The following PDCD6IP variants were observed in gnomAD, a reference collection of about 807,000 sequenced individuals.
PDCD6IP encodes the protein programmed cell death 6 interacting protein.
Under a neutral mutation model 103.7 loss-of-function variants are expected in PDCD6IP, and 43 were observed. The ratio of observed to expected loss-of-function variants is 0.41; its 90% CI spans 0.32 to 0.53. The LOEUF (loss-of-function observed/expected upper bound fraction) is 0.53, where lower values mean the gene tolerates loss of function less well. Ranked by LOEUF, PDCD6IP falls within the 20% of genes least tolerant of loss-of-function variation. The probability of loss-of-function intolerance (pLI) is 0.16; values close to 1 mark genes in which losing one functional copy is unlikely to be tolerated. For missense variants in PDCD6IP, 871 were observed against 1,036.7 expected, an observed-to-expected ratio of 0.84 and a Z score of 2.20; for synonymous variants, 354 against 378.7, an observed-to-expected ratio of 0.93 and a Z score of 0.76.
At chr3:33,851,267 G>A (rs1189280488) in intron 12 of PDCD6IP, among the ~76,000 whole-genome samples, 1 of 151,468 alleles carries the variant, frequency 6.6e-6, no homozygotes, top group African/African-American at 2.4e-5. Flanking sequence ...CTTTCTATGA[G>A]CATCATTGGG....
chr3:33,843,749 A>C (rs1429691205), intron 10 of PDCD6IP, among the ~76,000 whole-genome samples: 1 of 152,110 alleles, frequency 6.6e-6, no homozygotes, highest in African/African-American at 2.4e-5. Context: ...ATGAAAGTCT[A>C]AATTTTATAT....
intron 6 of PDCD6IP, 108 bp from the exon 7 acceptor site, chr3:33,828,744 TG>T (rs1451456241): frequency 8.7e-7 from 1 of 1,152,734 alleles, no homozygotes; most frequent in East Asian, 2.5e-5. Context: ...AAACCATTAA[TG>T]GGGTGATTCT....
intron 12 of PDCD6IP, among the ~76,000 whole-genome samples, chr3:33,846,957 G>C (rs918418518): frequency 6.6e-6 from 1 of 152,174 alleles, no homozygotes; most frequent in Non-Finnish European, 1.5e-5. Flanking sequence ...CTACATAGTT[G>C]AATGTGCATT....
intron 7 of PDCD6IP, chr3:33,835,379 G>A (rs1300998130): frequency 2.2e-6 from 1 of 445,316 alleles, no homozygotes; most frequent in African/African-American, 2.0e-5. Flanking sequence ...CTCCATGAGG[G>A]CCTTTAATAA....
At chr3:33,816,001 CAT>C (rs970838493) in intron 3 of PDCD6IP, among the ~76,000 whole-genome samples, 1 of 152,130 alleles carries the variant, frequency 6.6e-6, no homozygotes, top group African/African-American at 2.4e-5. Context: ...AAAAAGCTTT[CAT>C]ATCTTACAGG....
At chr3:33,805,718 CAATTTTTTTTTTTTTTTAAACTAG>C (rs1696580928) in intron 1 of PDCD6IP, among the ~76,000 whole-genome samples, 1 of 149,496 alleles carries the variant, frequency 6.7e-6, no homozygotes, top group African/African-American at 2.4e-5. Flanking sequence ...CATACCTGGC[CAATTTTTTTTTTTTTTTAAACTAG>C]AATTTCTTTT....
chr3:33,858,373 C>T (rs1697874871), intron 15 of PDCD6IP, among the ~76,000 whole-genome samples: 1 of 152,152 alleles, frequency 6.6e-6, no homozygotes, highest in Non-Finnish European at 1.5e-5. Context: ...CTAGTCCCAG[C>T]TACTTGGGAG....
chr3:33,865,451 A>G lies in PDCD6IP; in HGVS notation c.2432+21A>G. On this transcript the variant is annotated intron_variant, in intron 17 of 17. Transcript: ENST00000307296. Reference sequence around the variant, plus strand: ...CCTGGGTAAGGCTGCAACATTGTGTATCCCAAGTTGGCTAATGTTGTTTCT... The same window carrying G: ...CCTGGGTAAGGCTGCAACATTGTGTGTCCCAAGTTGGCTAATGTTGTTTCT... 6.4e-7 allele frequency: 1 copy of G among 1,560,790 alleles called. No individual in the cohort carries two copies. The highest frequency in any genetic ancestry group is 8.6e-7 in the Non-Finnish European group (1 of 1,159,288).
At chr3:33,820,315 TC>T (rs1471320548) in intron 3 of PDCD6IP, among the ~76,000 whole-genome samples, 10 of 151,986 alleles carry the variant, frequency 6.6e-5, no homozygotes, top group Non-Finnish European at 1.3e-4. Context: ...GTCCCATTCT[TC>T]CCTCCCCCCT....
intron 15 of PDCD6IP, among the ~76,000 whole-genome samples, chr3:33,860,735 T>C (rs1252775220): frequency 6.6e-6 from 1 of 152,218 alleles, no homozygotes; most frequent in Non-Finnish European, 1.5e-5. Context: ...TTTATTCTCA[T>C]TTCTGCATAT....
intron 12 of PDCD6IP, among the ~76,000 whole-genome samples, chr3:33,849,475 G>T (rs1172090972): frequency 2.6e-5 from 4 of 152,114 alleles, no homozygotes; most frequent in African/African-American, 7.2e-5. Context: ...TGAAGGAAAA[G>T]ACTGTTTTTG....
chr3:33,826,506 A>G lies in PDCD6IP; in HGVS notation c.643A>G (p.Lys215Glu). 2.5e-6 allele frequency: 4 copies of G among 1,610,372 alleles called. No individual in the cohort carries two copies. The highest frequency in any genetic ancestry group is 3.4e-6 in the Non-Finnish European group (4 of 1,178,034). ...RDKMKDAIIA[K>E]LANQAADYFG... ...TAAAATGAAAGATGCCATCATAGCTAAATTGGCTAATCAGGCTGCAGATTA... is the reference window on the plus strand; with the variant it reads ...TAAAATGAAAGATGCCATCATAGCTGAATTGGCTAATCAGGCTGCAGATTA... Residue 215 changes from lysine to glutamate, a missense_variant, in exon 6 of 18, where the codon AAA becomes GAA. Coordinates refer to ENST00000307296, the MANE Select transcript of PDCD6IP (RefSeq NM_013374.6).
rs74820554 is a variant in PDCD6IP at position 33,858,955 on chromosome 3, T to G, written c.2120+3695T>G. ...GGAATTAGACAAGTTGATCCTAAAG[T>G]TCAAGTAGAAAAAGAAACAAGGTCA... On this transcript the variant is annotated intron_variant, in intron 15 of 17. Transcript: ENST00000307296. Among the ~76,000 whole-genome samples, 12 of 151,934 alleles carry G rather than the reference T, an allele frequency of 7.9e-5. No homozygotes were observed. The East Asian group carries it at 2.3e-3, about 29-fold the overall frequency.
intron 9 of PDCD6IP, among the ~76,000 whole-genome samples, chr3:33,839,364 G>C (rs1697420428): frequency 6.6e-6 from 1 of 151,984 alleles, no homozygotes; most frequent in Non-Finnish European, 1.5e-5. Context: ...AATGTGTTTT[G>C]CTTTTTTTCA....
Position 33,821,938 on chromosome 3 carries a change from T to A in PDCD6IP, c.335-17T>A. The A allele has an allele frequency of 6.3e-7, 1 of 1,599,092 alleles. No homozygotes were observed. The highest frequency in any genetic ancestry group is 8.5e-7 in the Non-Finnish European group (1 of 1,174,216). ...AAAAAATAATCTGATGAATTTTTCC[T>A]TCTCAATTTTTTACAGCTCTTGCAA... On this transcript the variant is annotated splice_polypyrimidine_tract_variant and intron_variant, in intron 3 of 17. Coordinates refer to ENST00000307296, the MANE Select transcript of PDCD6IP (RefSeq NM_013374.6).
chr3:33,820,971 G>C (rs1327867614), intron 3 of PDCD6IP, among the ~76,000 whole-genome samples: 1 of 152,046 alleles, frequency 6.6e-6, no homozygotes, highest in Non-Finnish European at 1.5e-5. Context: ...TTGAGGACCT[G>C]CCATATTGTT....
intron 1 of PDCD6IP, among the ~76,000 whole-genome samples, chr3:33,801,572 A>G (rs1004443791): frequency 1.1e-4 from 16 of 152,218 alleles, no homozygotes; most frequent in Non-Finnish European, 1.0e-4. Flanking sequence ...AAGGATCACT[A>G]GAGCCCACGA....
chr3:33,836,591 C>A (rs1032042957), intron 8 of PDCD6IP, among the ~76,000 whole-genome samples: 1 of 151,704 alleles, frequency 6.6e-6, no homozygotes, highest in East Asian at 1.9e-4. Flanking sequence ...TGTGGTGGCT[C>A]ACACCTGTAA....
In PDCD6IP at chr3:33,868,641, T is replaced by C. The variant is rs898429791; in HGVS notation, c.*2116T>C. 6.6e-6 allele frequency: 1 copy of C among 152,240 alleles called. No homozygotes were observed. The highest frequency in any genetic ancestry group is 1.5e-5 in the Non-Finnish European group (1 of 68,048). 9.4% of individuals were successfully genotyped at this position (152,240 alleles called of 1,614,324 possible). A position where few individuals can be genotyped will look rare whatever the true frequency, so the allele number is the denominator to read the frequency against. ...CAATCACAATAAATGCAGCCCTTTA[T>C]TACTGTTAAGGATCATACTGTTGGT... On this transcript the variant is annotated 3_prime_UTR_variant, in exon 18 of 18. Transcript: ENST00000307296.
Sources: gnomAD v4.1 joint callset for allele counts (sites outside exome capture counted in the v4.1 genomes callset) on GRCh38, gnomAD v4.1.1 for gene constraint, MANE v1.5 for transcripts, NCBI Gene and HGNC (gene_info 2026-07-23, HGNC 2026-07-21) for gene names.